Variants in CALR3 observed in about 807,000 individuals in gnomAD.
CALR3 encodes the protein calreticulin-3.
A neutral mutation model predicts 48.7 loss-of-function variants in CALR3; 39 were observed. The observed-to-expected ratio is 0.80, with a 90% CI of 0.62 to 1.05. CALR3 has a LOEUF of 1.05. Ranked by LOEUF, CALR3 falls within the 50% of genes least tolerant of loss-of-function variation. The pLI, the probability that CALR3 is intolerant of heterozygous loss-of-function variation, is 0.00. For missense variants in CALR3, 449 were observed against 474.7 expected (o/e 0.95, Z 0.50); for synonymous variants, 185 against 172.7 (o/e 1.07, Z -0.56).
rs143671909 is a variant in CALR3, at chr19:16,484,088, G to T, written c.520C>A (p.Leu174Ile). The part of the protein sequence containing the change: ...KVDGFTHLYT[L>I]ILRPDLSYDV... ...TAAGAAAGATCTGGTCTTAAAATTA[G>T]AGTGTACAGGTGTGTGAAGCCATCA... The change falls in exon 5 of 9, where the codon CTA becomes ATA. Residue 174 changes from leucine to isoleucine, a missense_variant. Physicochemically the swap from Leu to Ile is conservative, Grantham distance 5. Coordinates refer to ENST00000269881, the MANE Select transcript of CALR3 (RefSeq NM_145046.5). 16 of 1,613,736 alleles carry T rather than the reference G, an allele frequency of 9.9e-6. No individual in the cohort carries two copies. The highest frequency in any genetic ancestry group is 4.0e-5 in the African/African-American group (3 of 74,930).
chr19:16,483,848 G>A (rs2093384598), intron 5 of CALR3, 82 bp downstream of exon 5: 1 of 1,435,386 alleles, frequency 7.0e-7, no homozygotes, highest in Admixed American at 1.9e-5. Context: ...GTGGCTACCA[G>A]CCATGCAGCA....
At chr19:16,480,904 C>T (rs2093379697) in intron 7 of CALR3, among the ~76,000 whole-genome samples, 198 bp from the exon 8 acceptor site, 1 of 152,126 alleles carries the variant, frequency 6.6e-6, no homozygotes, top group East Asian at 1.9e-4. Flanking sequence ...ACCTATAATC[C>T]CAGCACTTTG....
intron 2 of CALR3, among the ~76,000 whole-genome samples, chr19:16,495,098 C>T (rs1456489949): frequency 6.6e-6 from 1 of 151,794 alleles, no homozygotes; most frequent in Non-Finnish European, 1.5e-5. Context: ...TGGTGGCGCA[C>T]GCTTGTAATC....
intron 3 of CALR3, among the ~76,000 whole-genome samples, chr19:16,488,507 C>A (rs1190341330): frequency 6.6e-6 from 1 of 151,996 alleles, no homozygotes; most frequent in African/African-American, 2.4e-5. Flanking sequence ...CAGGTTCAAG[C>A]AATTCTCCTG....
At chr19:16,490,763 ATT>A (rs78242115) in intron 2 of CALR3, among the ~76,000 whole-genome samples, 193 bp from the exon 3 acceptor site, 216 of 149,786 alleles carry the variant, frequency 1.4e-3, no homozygotes, top group Non-Finnish European at 2.3e-3. Context: ...CTTCTATATA[ATT>A]TTTTTTTTTT....
intron 1 of CALR3, 69 bp from the exon 2 acceptor site, chr19:16,495,921 G>A: frequency 6.3e-7 from 1 of 1,576,968 alleles, no homozygotes; most frequent in Non-Finnish European, 8.7e-7. Flanking sequence ...GAAGGGTGAA[G>A]GGGACCCTCG....
chr19:16,482,302 G>A (rs1311231742), intron 7 of CALR3, 148 bp downstream of exon 7: 3 of 1,110,486 alleles, frequency 2.7e-6, no homozygotes, highest in Non-Finnish European at 3.9e-6. Context: ...GGATCGCTTG[G>A]GCCTAGTTTG....
rs574421825 is a variant in CALR3, at chr19:16,484,333, A to G, written c.493-218T>C. ...GCTGGGATTACAGGCACCTGCCACCATGCCTGGGTAATTTTTTGTGTCTAG... is the reference window on the plus strand; with the variant it reads ...GCTGGGATTACAGGCACCTGCCACCGTGCCTGGGTAATTTTTTGTGTCTAG... On this transcript the variant is annotated intron_variant, in intron 4 of 8. Coordinates refer to ENST00000269881, the MANE Select transcript of CALR3 (RefSeq NM_145046.5). Among the ~76,000 whole-genome samples the G allele has an allele frequency of 4.0e-4, 61 of 151,650 alleles. 1 individual carries two copies. The highest frequency in any genetic ancestry group is 1.4e-3 in the African/African-American group (59 of 41,362).
intron 5 of CALR3, 121 bp from the exon 6 acceptor site, chr19:16,482,906 G>A: frequency 1.1e-6 from 1 of 883,308 alleles, no homozygotes; most frequent in Non-Finnish European, 1.8e-6. Flanking sequence ...GTGCGGTTGT[G>A]CAATCATGGC....
chr19:16,487,446 C>T (rs1333223279), intron 3 of CALR3, among the ~76,000 whole-genome samples: 1 of 143,800 alleles, frequency 7.0e-6, no homozygotes, highest in Non-Finnish European at 1.5e-5. Context: ...TGCCGTTGCA[C>T]TCCAGCCTGG....
chr19:16,484,422 C>T (rs912597954), intron 4 of CALR3, among the ~76,000 whole-genome samples: 3 of 152,124 alleles, frequency 2.0e-5, no homozygotes, highest in African/African-American at 4.8e-5. Flanking sequence ...GGTGATCCAC[C>T]TGCCTCAGCC....
chr19:16,489,907 C>T (rs980214467), intron 3 of CALR3, among the ~76,000 whole-genome samples: 9 of 152,144 alleles, frequency 5.9e-5, no homozygotes, highest in Admixed American at 4.6e-4. Context: ...CAAAAAATCG[C>T]AAATCTGAAG....
chr19:16,485,961 T>G (rs748697976), intron 3 of CALR3, among the ~76,000 whole-genome samples: 3 of 152,092 alleles, frequency 2.0e-5, no homozygotes, highest in Non-Finnish European at 4.4e-5. Flanking sequence ...TCTGGTCACA[T>G]GTGTGAATAT....
At chr19:16,491,197 A>C (rs1044904964) in intron 2 of CALR3, among the ~76,000 whole-genome samples, 3 of 151,794 alleles carry the variant, frequency 2.0e-5, no homozygotes, top group African/African-American at 7.3e-5. Flanking sequence ...ATCTCTGCCC[A>C]CTGCAAGCTC....
intron 7 of CALR3, among the ~76,000 whole-genome samples, chr19:16,481,465 C>CG (rs1202228863): frequency 4.3e-5 from 6 of 140,004 alleles, no homozygotes; most frequent in African/African-American, 1.6e-4. Flanking sequence ...GACTTAGTCT[C>CG]GCTCTGTTTT....
At chr19:16,482,123 T>C (rs897537840) in intron 7 of CALR3, among the ~76,000 whole-genome samples, 2 of 151,094 alleles carry the variant, frequency 1.3e-5, no homozygotes, top group Admixed American at 1.3e-4. Flanking sequence ...TTAGCCAGGA[T>C]GGTCTCGATC....
At chr19:16,488,574 T>G (rs1412023826) in intron 3 of CALR3, among the ~76,000 whole-genome samples, 2 of 151,804 alleles carry the variant, frequency 1.3e-5, no homozygotes, top group African/African-American at 4.8e-5. Flanking sequence ...CCGGCTAATT[T>G]TTTTTGTATT....
At position 16,489,073 on chromosome 19, in the gene CALR3, T is replaced by C. The variant is rs908777021; in HGVS notation, c.397+1294A>G. On this transcript the variant is annotated intron_variant, in intron 3 of 8. Coordinates refer to ENST00000269881, the MANE Select transcript of CALR3 (RefSeq NM_145046.5). ...TGTATCACAAAATATCATCTTGTATTGATTTTTTCCAACCAGTTAAAAACG... is the reference window on the plus strand; with the variant it reads ...TGTATCACAAAATATCATCTTGTATCGATTTTTTCCAACCAGTTAAAAACG... Among the ~76,000 whole-genome samples, 8 of 151,304 alleles carry C rather than the reference T, an allele frequency of 5.3e-5. No individual in the cohort carries two copies. The East Asian group carries it at 1.2e-3, about 22-fold the overall frequency.
chr19:16,496,024 G>A lies in CALR3; in HGVS notation c.91+15C>T, dbSNP rs375182813. On this transcript the variant is annotated intron_variant, in intron 1 of 8. Coordinates refer to ENST00000269881, the MANE Select transcript of CALR3 (RefSeq NM_145046.5). ...GGAGCTTACACCTCCGCCACCACGG[G>A]CGTGGCCCCTTCACCTCCGTCTAGA... 4 of 1,582,626 alleles carry A rather than the reference G, an allele frequency of 2.5e-6. No individual in the cohort carries two copies. The highest frequency in any genetic ancestry group is 2.3e-5 in the East Asian group (1 of 43,382).
Sources: gnomAD v4.1 joint callset for allele counts (sites outside exome capture counted in the v4.1 genomes callset) on GRCh38, gnomAD v4.1.1 for gene constraint, MANE v1.5 for transcripts, NCBI Gene and HGNC (gene_info 2026-07-23, HGNC 2026-07-21) for gene names.